The following UACA variants were observed in gnomAD, a reference collection of about 807,000 sequenced individuals.
UACA encodes uveal autoantigen with coiled-coil domains and ankyrin repeats, also known as nuclear membrane binding protein.
In UACA, 112 loss-of-function variants were observed where a neutral mutation model predicts 160.5. That is an observed-to-expected ratio of 0.70 (90% confidence interval 0.60 to 0.82). The LOEUF is 0.82. Ranked by LOEUF, UACA falls within the 40% of genes least tolerant of loss-of-function variation. UACA has a pLI of 0.00. For synonymous variants in UACA, 557 were observed against 568.4 expected (o/e 0.98, Z 0.29); for missense variants, 1,574 against 1,614.6 (o/e 0.97, Z 0.43).
At chr15:70,761,947 G>T (rs1407991869) in intron 1 of UACA, among the ~76,000 whole-genome samples, 1 of 152,072 alleles carries the variant, frequency 6.6e-6, no homozygotes, top group Admixed American at 6.5e-5. Flanking sequence ...CTAGAAACTT[G>T]TATCTTCTAT....
chr15:70,776,139 A>C, the UACA span, among the ~76,000 whole-genome samples: 1 of 152,238 alleles, frequency 6.6e-6, no homozygotes, highest in Non-Finnish European at 1.5e-5. Flanking sequence ...TCCAACAAAA[A>C]AACTAATCAA....
rs766418592 is a variant in UACA, at chr15:70,657,032, G to C, written c.*24C>G. 6.2e-7 allele frequency: 1 copy of C among 1,606,946 alleles called. No homozygotes were observed. The highest frequency in any genetic ancestry group is 8.5e-7 in the Non-Finnish European group (1 of 1,173,572). On this transcript the variant is annotated 3_prime_UTR_variant, in exon 19 of 19. Coordinates refer to ENST00000322954, the MANE Select transcript of UACA (RefSeq NM_018003.4). ...TGTTCAGCACCAGCAAGATAAAACAGATACTGGCAGTCAGTGCTAACGGCT... is the reference window on the plus strand; with the variant it reads ...TGTTCAGCACCAGCAAGATAAAACACATACTGGCAGTCAGTGCTAACGGCT...
chr15:70,763,388 C>T lies in UACA; in HGVS notation c.20G>A (p.Arg7His), dbSNP rs1311491785. Residue 7 changes from arginine (R) to histidine (H), a missense_variant, in exon 1 of 19, where the codon CGC (arginine) becomes CAC (histidine). Coordinates refer to ENST00000322954, the MANE Select transcript of UACA (RefSeq NM_018003.4). MKSLKSRLRRQDVPGPA... is the reference protein window; with the variant it reads MKSLKSHLRRQDVPGPA... Reference sequence around the variant, plus strand: ...GCCGGGCACGTCCTGCCTCCTCAGGCGGGACTTGAGGCTCTTCATGGCTAA... The same window carrying T: ...GCCGGGCACGTCCTGCCTCCTCAGGTGGGACTTGAGGCTCTTCATGGCTAA... 1 of 1,327,916 alleles carries T rather than the reference C, an allele frequency of 7.5e-7. No homozygotes were observed. The allele number at this position is 1,327,916 out of a possible 1,614,324, so 82.3% of individuals were successfully genotyped here.
At position 70,668,275 on chromosome 15, in the gene UACA, A is replaced by G. The variant is rs781361234; in HGVS notation, c.2409T>C (p.Phe803=). 4 of 1,613,570 alleles carry G rather than the reference A, an allele frequency of 2.5e-6. No homozygotes were observed. The South Asian group carries it at 4.4e-5, about 18-fold the overall frequency. Residue 803 remains phenylalanine (F), a synonymous_variant, in exon 16 of 19, where the codon TTT becomes TTC. Coordinates refer to ENST00000322954, the MANE Select transcript of UACA (RefSeq NM_018003.4). ...SKDVSRLETV[F]VPPEKHEKEI... ...CTTTTTCATGTTTCTCAGGAGGTACAAACACAGTTTCTAGGCGGCTTACAT... is the reference window on the plus strand; with the variant it reads ...CTTTTTCATGTTTCTCAGGAGGTACGAACACAGTTTCTAGGCGGCTTACAT...
intron 1 of UACA, among the ~76,000 whole-genome samples, chr15:70,708,163 T>C (rs1043745279): frequency 3.5e-4 from 53 of 152,130 alleles, no homozygotes; most frequent in African/African-American, 1.1e-3. Flanking sequence ...TAAATGAAAT[T>C]AGCCAGTCAA....
chr15:70,676,752 A>AATATCTATAAAC (rs1897314750), intron 12 of UACA, among the ~76,000 whole-genome samples, 161 bp from the exon 13 acceptor site: 1 of 152,218 alleles, frequency 6.6e-6, no homozygotes, highest in South Asian at 2.1e-4. Context: ...TAATTTCTAC[A>AATATCTATAAAC]AATATACTAA....
chr15:70,729,901 G>A lies in UACA; in HGVS notation c.79-30241C>T, dbSNP rs1295684556. Among the ~76,000 whole-genome samples, 3 of 116,178 alleles carry A rather than the reference G, an allele frequency of 2.6e-5. 1 individual carries two copies. The highest frequency in any genetic ancestry group is 5.1e-5 in the Non-Finnish European group (3 of 59,244). The allele number at this position is 116,178 out of a possible 152,430, so 76.2% of individuals were successfully genotyped here. ...GGGCACACTGACACCTCACACGGCA[G>A]GGTATTCCAACAGACCTGCAGCTGA... On this transcript the variant is annotated intron_variant, in intron 1 of 18. Coordinates refer to ENST00000322954, the MANE Select transcript of UACA (RefSeq NM_018003.4).
At chr15:70,721,286 A>G (rs932948975) in intron 1 of UACA, among the ~76,000 whole-genome samples, 3 of 152,138 alleles carry the variant, frequency 2.0e-5, no homozygotes, top group Admixed American at 2.0e-4. Flanking sequence ...TTAAAGGATA[A>G]ATCAGTTCAG....
chr15:70,773,914 G>A, the UACA span, among the ~76,000 whole-genome samples: 1 of 152,142 alleles, frequency 6.6e-6, no homozygotes, highest in Non-Finnish European at 1.5e-5. Context: ...CTAGCAAAGG[G>A]ATTAGCTTGT....
rs976537966 is a variant in UACA at position 70,746,743 on chromosome 15, T to A, written c.78+16587A>T. Among the ~76,000 whole-genome samples the A allele has an allele frequency of 3.9e-5, 6 of 152,230 alleles. 1 individual carries two copies. Among genetic ancestry groups the A allele is most frequent in the Admixed American group, 3.3e-4 (5 of 15,292 alleles). ...GACTTGGTACCAACCCAAATGCCCA[T>A]CAATTTTAGGCTGGATAAAGAAAAT... On this transcript the variant is annotated intron_variant, in intron 1 of 18. Transcript: ENST00000322954.
chr15:70,743,373 G>C (rs1899597707), intron 1 of UACA, among the ~76,000 whole-genome samples: 1 of 152,128 alleles, frequency 6.6e-6, no homozygotes, highest in African/African-American at 2.4e-5. Flanking sequence ...ATAATCATGG[G>C]CATATTTCCT....
rs1457548131 is a variant in UACA at position 70,669,087 on chromosome 15, A to T, written c.1597T>A (p.Ser533Thr). Residue 533 changes from serine to threonine, a missense_variant, in exon 16 of 19, where the codon TCA becomes ACA. Transcript: ENST00000322954. Reference protein sequence around the residue: ...LKEHLTSEAASGNHRLTEELK... With the variant: ...LKEHLTSEAATGNHRLTEELK... ...TCCTCGGTTAGTCTGTGATTCCCTG[A>T]GGCTGCTTCACTTGTTAAGTGTTCT... 3.1e-6 allele frequency: 5 copies of T among 1,614,022 alleles called. No individual in the cohort carries two copies. Among genetic ancestry groups the T allele is most frequent in the Non-Finnish European group, 4.2e-6 (5 of 1,179,992 alleles).
At chr15:70,713,712 A>G (rs1444000895) in intron 1 of UACA, among the ~76,000 whole-genome samples, 1 of 152,236 alleles carries the variant, frequency 6.6e-6, no homozygotes, top group Non-Finnish European at 1.5e-5. Context: ...ACTCATCCTG[A>G]CATACTATTT....
intron 1 of UACA, among the ~76,000 whole-genome samples, chr15:70,755,667 T>A (rs577190476): frequency 5.9e-4 from 85 of 144,084 alleles, no homozygotes; most frequent in African/African-American, 2.2e-3. Flanking sequence ...GGAGACTTAT[T>A]CTCAAAAATA....
At chr15:70,696,632 G>A (rs1309553522) in intron 2 of UACA, among the ~76,000 whole-genome samples, 1 of 152,154 alleles carries the variant, frequency 6.6e-6, no homozygotes, top group Non-Finnish European at 1.5e-5. Flanking sequence ...TTAAGAGTCA[G>A]GTAAGTTCTC....
rs770143078 is a variant in UACA at position 70,657,072 on chromosome 15, T to C, written c.4235A>G (p.Gln1412Arg). The part of the protein sequence containing the change: ...EALLQIIQMR[Q>R]GLVC Reference sequence around the variant, plus strand: ...TGCTAACGGCTAGCACACAAGCCCCTGCCGCATTTGTATGATCTGGAGCAG... The same window carrying C: ...TGCTAACGGCTAGCACACAAGCCCCCGCCGCATTTGTATGATCTGGAGCAG... Residue 1412 changes from glutamine (Q) to arginine (R), a missense_variant, in exon 19 of 19, where the codon CAG becomes CGG. By Grantham distance (43) the Gln-to-Arg change is conservative. Coordinates refer to ENST00000322954, the MANE Select transcript of UACA (RefSeq NM_018003.4). 1.1e-5 allele frequency: 17 copies of C among 1,614,040 alleles called. No homozygotes were observed. The highest frequency in any genetic ancestry group is 1.4e-5 in the Non-Finnish European group (16 of 1,179,986).
chr15:70,762,148 ACT>A (rs1163507381), intron 1 of UACA, among the ~76,000 whole-genome samples: 1 of 152,104 alleles, frequency 6.6e-6, no homozygotes, highest in Non-Finnish European at 1.5e-5. Flanking sequence ...ATCTGAATCT[ACT>A]CTCTTTTTTT....
intron 13 of UACA, among the ~76,000 whole-genome samples, chr15:70,674,100 G>A (rs191194735): frequency 2.0e-5 from 3 of 152,238 alleles, no homozygotes; most frequent in East Asian, 1.9e-4. Context: ...GAGCTCAAGC[G>A]ATCCAATTGC....
At position 70,683,788 on chromosome 15, in the gene UACA, C is replaced by T. The variant is rs573057830; in HGVS notation, c.784+477G>A. 4.6e-5 allele frequency among the ~76,000 whole-genome samples: 7 copies of T among 151,826 alleles called. No homozygotes were observed. In the South Asian group the frequency reaches 6.2e-4, roughly 14 times the overall value. Reference sequence around the variant, plus strand: ...TCTCAAAATGTTAACAGAGGCTTCTCAGTGGTAATGAGTGACTATTCATTG... The same window carrying T: ...TCTCAAAATGTTAACAGAGGCTTCTTAGTGGTAATGAGTGACTATTCATTG... On this transcript the variant is annotated intron_variant, in intron 8 of 18. Transcript: ENST00000322954.
Sources: gnomAD v4.1 joint callset for allele counts (sites outside exome capture counted in the v4.1 genomes callset) on GRCh38, gnomAD v4.1.1 for gene constraint, MANE v1.5 for transcripts, NCBI Gene and HGNC (gene_info 2026-07-23, HGNC 2026-07-21) for gene names.